Variants in BMPER observed in about 807,000 individuals in gnomAD.
The protein encoded by BMPER is BMP binding endothelial regulator, also known as BMP-binding endothelial regulator protein.
Under a neutral mutation model 87.3 loss-of-function variants are expected in BMPER, and 45 were observed. The observed-to-expected ratio is 0.52, with a 90% CI of 0.41 to 0.66. BMPER has a LOEUF of 0.66. BMPER is among the 30% of genes least tolerant of loss of function. BMPER has a pLI of 0.00. For synonymous variants in BMPER, 326 were observed against 316.2 expected, an observed-to-expected ratio of 1.03 and a Z score of -0.33; for missense variants, 784 against 867.5, an observed-to-expected ratio of 0.90 and a Z score of 1.21.
intron 4 of BMPER, among the ~76,000 whole-genome samples, chr7:33,967,680 A>G (rs1427302562): frequency 6.6e-6 from 1 of 152,206 alleles, no homozygotes; most frequent in Non-Finnish European, 1.5e-5. Context: ...GATGAGAGCA[A>G]TAAGTTTCCA....
chr7:34,146,192 C>T (rs2127995491), intron 14 of BMPER, among the ~76,000 whole-genome samples: 1 of 152,216 alleles, frequency 6.6e-6, no homozygotes, highest in East Asian at 1.9e-4. Flanking sequence ...CTATAAAAGC[C>T]CTCTTTACTT....
At chr7:34,113,126 T>TA (rs1321420066) in intron 13 of BMPER, among the ~76,000 whole-genome samples, 1 of 151,854 alleles carries the variant, frequency 6.6e-6, no homozygotes, top group African/African-American at 2.4e-5. Flanking sequence ...ATATAAACAA[T>TA]AAAAAACTCA....
chr7:34,139,201 A>G (rs186568321), intron 13 of BMPER, among the ~76,000 whole-genome samples: 3 of 152,334 alleles, frequency 2.0e-5, no homozygotes, highest in African/African-American at 7.2e-5. Context: ...TTATTCCATT[A>G]TCTATTCCAC....
At chr7:34,082,441 A>G (rs1194533662) in intron 12 of BMPER, among the ~76,000 whole-genome samples, 1 of 150,676 alleles carries the variant, frequency 6.6e-6, no homozygotes, top group Non-Finnish European at 1.5e-5. Flanking sequence ...ATATAGCCAG[A>G]CAAGGGCATC....
chr7:33,962,571 A>C (rs975167680), intron 3 of BMPER, among the ~76,000 whole-genome samples: 1 of 152,186 alleles, frequency 6.6e-6, no homozygotes, highest in African/African-American at 2.4e-5. Context: ...TGATAACCCA[A>C]GATGTCTCCT....
chr7:34,078,858 G>C lies in BMPER; in HGVS notation c.1080G>C (p.Lys360Asn). The change falls in exon 12 of 15, where the codon AAG becomes AAC. Residue 360 changes from lysine to asparagine, a missense_variant and splice_region_variant. Transcript: ENST00000649409. Reference sequence around the variant, plus strand: ...CTTTTGTCTCTCACTCCTCCGCAGAGCCCGGCGTTTGCACGGTGTTTGGAG... The same window carrying C: ...CTTTTGTCTCTCACTCCTCCGCAGACCCCGGCGTTTGCACGGTGTTTGGAG... The part of the protein sequence containing the change: ...RKGCCPICTE[K>N]PGVCTVFGDP... 6.2e-7 allele frequency: 1 copy of C among 1,614,070 alleles called. No individual in the cohort carries two copies. The highest frequency in any genetic ancestry group is 8.5e-7 in the Non-Finnish European group (1 of 1,180,020).
At chr7:34,042,244 G>A (rs750857912) in intron 6 of BMPER, among the ~76,000 whole-genome samples, 5 of 152,028 alleles carry the variant, frequency 3.3e-5, no homozygotes, top group African/African-American at 1.2e-4. Context: ...AGAAGCACTT[G>A]GATATGCAAT....
Position 34,153,581 on chromosome 7 carries a change from T to C in BMPER, c.*308T>C, listed in dbSNP as rs540879751. 7 of 311,576 alleles carry C rather than the reference T, an allele frequency of 2.2e-5. No individual in the cohort carries two copies. The highest frequency in any genetic ancestry group is 1.4e-4 in the Admixed American group (3 of 21,358). The allele number at this position is 311,576 out of a possible 1,614,324, so 19.3% of individuals were successfully genotyped here. ...TTTAATAAGGTGGCATGCAGATACA[T>C]TGGATAGTGTTAACATCACATACAT... On this transcript the variant is annotated 3_prime_UTR_variant, in exon 15 of 15. Transcript: ENST00000649409.
At chr7:33,993,734 T>C (rs1022995241) in intron 6 of BMPER, among the ~76,000 whole-genome samples, 98 of 152,290 alleles carry the variant, frequency 6.4e-4, no homozygotes, top group African/African-American at 1.9e-3. Context: ...TCTGTTTTTT[T>C]CCCCATCTTT....
intron 2 of BMPER, among the ~76,000 whole-genome samples, chr7:33,919,693 C>A (rs1733617500): frequency 6.6e-6 from 1 of 152,176 alleles, no homozygotes; most frequent in African/African-American, 2.4e-5. Flanking sequence ...TTAATAATAT[C>A]CTGAGGCACT....
intron 13 of BMPER, among the ~76,000 whole-genome samples, chr7:34,107,268 T>G (rs960872332): frequency 6.6e-6 from 1 of 152,228 alleles, no homozygotes; most frequent in East Asian, 1.9e-4. Context: ...AATCTTTTCT[T>G]TATAGAATTG....
intron 12 of BMPER, among the ~76,000 whole-genome samples, chr7:34,081,306 T>C (rs1453710561): frequency 6.6e-6 from 1 of 152,258 alleles, no homozygotes. Context: ...TGTTCTTCCA[T>C]AGATTTAAAA....
At position 33,933,461 on chromosome 7, in the gene BMPER, T is replaced by A. The variant is rs1430733129; in HGVS notation, c.220-3828T>A. On this transcript the variant is annotated intron_variant, in intron 2 of 14. Coordinates refer to ENST00000649409, the MANE Select transcript of BMPER (RefSeq NM_001365308.1). ...GTTAGGTTTTTTTTTTTTTTTTTTTTAGAGTATTCTGACCTTTTCCTTGAG... is the reference window on the plus strand; with the variant it reads ...GTTAGGTTTTTTTTTTTTTTTTTTTAAGAGTATTCTGACCTTTTCCTTGAG... 3.3e-5 allele frequency among the ~76,000 whole-genome samples: 5 copies of A among 149,566 alleles called. No homozygotes were observed. In the East Asian group the frequency reaches 9.9e-4, roughly 30 times the overall value.
intron 6 of BMPER, among the ~76,000 whole-genome samples, chr7:34,029,117 A>C (rs553081143): frequency 3.9e-5 from 6 of 151,976 alleles, no homozygotes; most frequent in African/African-American, 4.8e-5. Flanking sequence ...TGTCAACAAA[A>C]ACTTGTGACT....
intron 6 of BMPER, among the ~76,000 whole-genome samples, chr7:34,044,176 T>A (rs913210986): frequency 3.9e-5 from 6 of 152,228 alleles, no homozygotes; most frequent in African/African-American, 1.2e-4. Flanking sequence ...AAGCACAAAC[T>A]GCAGTTGTAT....
At chr7:33,980,036 A>C (rs1785809371) in intron 6 of BMPER, among the ~76,000 whole-genome samples, 1 of 152,228 alleles carries the variant, frequency 6.6e-6, no homozygotes, top group Admixed American at 6.5e-5. Flanking sequence ...ATAATGTTTG[A>C]GGATTATCTG....
At chr7:34,047,207 G>T (rs1787997740) in intron 7 of BMPER, among the ~76,000 whole-genome samples, 1 of 152,056 alleles carries the variant, frequency 6.6e-6, no homozygotes, top group Non-Finnish European at 1.5e-5. Context: ...CTCATGATGG[G>T]TATTTTCTAG....
chr7:34,034,970 GCT>G (rs1343518167), intron 6 of BMPER, among the ~76,000 whole-genome samples: 4 of 152,052 alleles, frequency 2.6e-5, no homozygotes, highest in Non-Finnish European at 4.4e-5. Context: ...TTTGGCTCAT[GCT>G]GGGACCCCCC....
chr7:34,030,787 AG>A (rs1787500241), intron 6 of BMPER, among the ~76,000 whole-genome samples: 2 of 151,940 alleles, frequency 1.3e-5, no homozygotes, highest in Admixed American at 6.6e-5. Flanking sequence ...TATTTGTTGT[AG>A]AGACAGGGTC....
Sources: allele counts gnomAD v4.1 joint callset (sites outside exome capture counted in the v4.1 genomes callset), GRCh38; gene constraint gnomAD v4.1.1; transcripts MANE v1.5; gene names NCBI Gene and HGNC (gene_info 2026-07-23, HGNC 2026-07-21).